PDE8B: variants seen among roughly 807,000 people sequenced by gnomAD.
PDE8B encodes phosphodiesterase 8B, also known as high affinity cAMP-specific and IBMX-insensitive 3',5'-cyclic phosphodiesterase 8B.
PDE8B carries 26 observed loss-of-function variants against 101.3 expected under a neutral mutation model. The ratio of observed to expected loss-of-function variants is 0.26; its 90% CI spans 0.19 to 0.36. The LOEUF (loss-of-function observed/expected upper bound fraction) is 0.36. Ranked by LOEUF, PDE8B falls within the 10% of genes least tolerant of loss-of-function variation. The probability of loss-of-function intolerance (pLI) is 1.00; values close to 1 mark genes in which losing one functional copy is unlikely to be tolerated. For missense variants in PDE8B, 810 were observed against 1,163.1 expected (o/e 0.70, Z 4.42); for synonymous variants, 424 against 429.3 (o/e 0.99, Z 0.15).
chr5:77,210,687 C>A lies in PDE8B; in HGVS notation c.-239C>A. The A allele has an allele frequency of 2.0e-6, 2 of 980,146 alleles. No individual in the cohort carries two copies. The highest frequency in any genetic ancestry group is 2.4e-6 in the Non-Finnish European group (2 of 827,466). 60.7% of individuals were successfully genotyped at this position (980,146 alleles called of 1,614,324 possible). ...TGGTGCGCGCGGGGCGCTGTGTATG[C>A]GCGCTCCCCCGCTCGGGGAGGAAGA... is the stretch of plus-strand genomic sequence containing the variant. On this transcript the variant is annotated 5_prime_UTR_variant, in exon 1 of 22. Coordinates refer to ENST00000264917, the MANE Select transcript of PDE8B (RefSeq NM_003719.5). The surrounding 1 kb of genome is among the most constrained non-coding windows in gnomAD (Gnocchi z 4.9).
the PDE8B span, among the ~76,000 whole-genome samples, chr5:77,100,849 A>T: frequency 6.6e-6 from 1 of 152,020 alleles, no homozygotes; most frequent in Non-Finnish European, 1.5e-5. Context: ...GTGTTTACAA[A>T]CTTTTTGCCA....
chr5:77,355,114 C>G (rs575267572), intron 10 of PDE8B, among the ~76,000 whole-genome samples: 143 of 152,346 alleles, frequency 9.4e-4, no homozygotes, highest in Non-Finnish European at 1.8e-3. Flanking sequence ...CTGTAAAGCC[C>G]TCCTGCCTCA....
the PDE8B span, among the ~76,000 whole-genome samples, chr5:77,126,636 A>G: frequency 6.6e-6 from 1 of 152,086 alleles, no homozygotes; most frequent in Non-Finnish European, 1.5e-5. Context: ...CCTAGGTGGT[A>G]TTGAACTCCT....
chr5:77,195,809 G>A, the PDE8B span, among the ~76,000 whole-genome samples: 1 of 152,182 alleles, frequency 6.6e-6, no homozygotes, highest in Non-Finnish European at 1.5e-5. Context: ...TTATGTGAAA[G>A]TGGATCATCA....
the PDE8B span, among the ~76,000 whole-genome samples, chr5:77,125,616 T>C: frequency 8.5e-5 from 13 of 152,354 alleles, no homozygotes; most frequent in East Asian, 2.5e-3. Flanking sequence ...ATATTATTCA[T>C]CTTTTTAAAG....
At chr5:77,212,337 T>C (rs1157960703) in intron 1 of PDE8B, among the ~76,000 whole-genome samples, 1 of 152,256 alleles carries the variant, frequency 6.6e-6, no homozygotes, top group Non-Finnish European at 1.5e-5. Flanking sequence ...GTATTTTTAA[T>C]AGTTAAAAAC....
chr5:77,267,009 T>A (rs924765234), intron 1 of PDE8B, among the ~76,000 whole-genome samples: 1 of 152,238 alleles, frequency 6.6e-6, no homozygotes, highest in Admixed American at 6.5e-5. Context: ...AGTTTTTGGA[T>A]GTTAACAATA....
At chr5:77,090,213 A>G in the PDE8B span, among the ~76,000 whole-genome samples, 4 of 152,206 alleles carry the variant, frequency 2.6e-5, no homozygotes, top group African/African-American at 9.6e-5. Context: ...CGGAAGGGTG[A>G]CTGTATTTCC....
the PDE8B span, among the ~76,000 whole-genome samples, chr5:77,186,856 C>T: frequency 3.3e-5 from 5 of 152,106 alleles, no homozygotes; most frequent in Non-Finnish European, 5.9e-5. Flanking sequence ...GGCCTTCCTA[C>T]GAGATAGCAG....
upstream of PDE8B, chr5:77,210,637 C>G (rs1238434962): frequency 1.0e-6 from 1 of 981,774 alleles, no homozygotes; most frequent in Non-Finnish European, 1.2e-6. This position sits in a 1 kb window ranked among gnomAD's most constrained non-coding sequence, Gnocchi z 4.9. Context: ...GTTTGGGGCG[C>G]CGCGGCGGGG....
chr5:77,252,492 G>A (rs1034342941), intron 1 of PDE8B, among the ~76,000 whole-genome samples: 1 of 152,156 alleles, frequency 6.6e-6, no homozygotes, highest in Non-Finnish European at 1.5e-5. Flanking sequence ...AGTGTTTTGA[G>A]TTGTCCTTAT....
chr5:77,205,420 GCTTT>G, the PDE8B span, among the ~76,000 whole-genome samples: 1 of 152,152 alleles, frequency 6.6e-6, no homozygotes, highest in African/African-American at 2.4e-5. Context: ...GCTTCCCATG[GCTTT>G]CTTTGTCTCT....
the PDE8B span, chr5:77,146,178 T>C: frequency 6.6e-6 from 1 of 152,200 alleles, no homozygotes; most frequent in African/African-American, 2.4e-5. Flanking sequence ...CTGATTTAAA[T>C]GATGAGATGC....
intron 2 of PDE8B, among the ~76,000 whole-genome samples, chr5:77,318,069 A>C (rs1482426955): frequency 6.6e-6 from 1 of 151,058 alleles, no homozygotes; most frequent in East Asian, 1.9e-4. Context: ...AAAAAAAAAA[A>C]AAAAAAAACA....
chr5:77,402,203 A>G lies in PDE8B; in HGVS notation c.1210+1913A>G, dbSNP rs1792423623. 2.6e-5 allele frequency among the ~76,000 whole-genome samples: 4 copies of G among 152,238 alleles called. No homozygotes were observed. In the South Asian group the frequency reaches 6.2e-4, roughly 24 times the overall value. On this transcript the variant is annotated intron_variant, in intron 11 of 21. Coordinates refer to ENST00000264917, the MANE Select transcript of PDE8B (RefSeq NM_003719.5). Reference sequence around the variant, plus strand: ...TAGTTTCGTTTCTCAGGGATTCAGAAATGCCATGATCCCAACAATATCACT... The same window carrying G: ...TAGTTTCGTTTCTCAGGGATTCAGAGATGCCATGATCCCAACAATATCACT...
At chr5:77,192,324 C>A in the PDE8B span, among the ~76,000 whole-genome samples, 13 of 152,310 alleles carry the variant, frequency 8.5e-5, no homozygotes, top group East Asian at 2.5e-3. Flanking sequence ...TCCTTCCCAG[C>A]CAATTCCCAA....
the PDE8B span, among the ~76,000 whole-genome samples, chr5:77,171,494 A>G: frequency 6.6e-6 from 1 of 152,202 alleles, no homozygotes; most frequent in South Asian, 2.1e-4. Context: ...AAATTTTTAA[A>G]ATATCAATCT....
the PDE8B span, among the ~76,000 whole-genome samples, chr5:77,116,147 G>C: frequency 6.7e-6 from 1 of 148,172 alleles, no homozygotes; most frequent in Non-Finnish European, 1.5e-5. Flanking sequence ...CATAGGTTTT[G>C]TTTCCAGGAA....
the PDE8B span, among the ~76,000 whole-genome samples, chr5:77,129,917 A>G: frequency 6.6e-6 from 1 of 152,100 alleles, no homozygotes; most frequent in African/African-American, 2.4e-5. Flanking sequence ...TTTGAAATTG[A>G]ATTTTTAAAG....
Sources: gnomAD v4.1 joint callset for allele counts (sites outside exome capture counted in the v4.1 genomes callset) on GRCh38, gnomAD v4.1.1 for gene constraint, Gnocchi (gnomAD v3.1) non-coding constraint, MANE v1.5 for transcripts, NCBI Gene and HGNC (gene_info 2026-07-23, HGNC 2026-07-21) for gene names.